The following HIBCH variants were observed in gnomAD, a reference collection of about 807,000 sequenced individuals.
HIBCH encodes 3-hydroxyisobutyryl-CoA hydrolase.
In HIBCH, 50 loss-of-function variants were observed where a neutral mutation model predicts 58.2. The ratio of observed to expected loss-of-function variants is 0.86; its 90% CI spans 0.68 to 1.09. The LOEUF is 1.09. HIBCH is among the 50% of genes least tolerant of loss of function. The pLI is 0.00. For missense variants in HIBCH, 450 were observed against 449.7 expected (o/e 1.00, Z -0.01); for synonymous variants, 151 against 146.9 (o/e 1.03, Z -0.20).
chr2:190,259,454 G>T (rs1482902628), intron 7 of HIBCH, among the ~76,000 whole-genome samples: 1 of 151,440 alleles, frequency 6.6e-6, no homozygotes, highest in East Asian at 1.9e-4. Flanking sequence ...TACTTTCAGG[G>T]CTCAAGCCAT....
chr2:190,294,425 A>C, intron 4 of HIBCH, 121 bp downstream of exon 4: 1 of 711,130 alleles, frequency 1.4e-6, no homozygotes, highest in Non-Finnish European at 2.4e-6. Flanking sequence ...AGAATGTATT[A>C]ACTTTATAAT....
chr2:190,251,311 T>C (rs1035148078), intron 8 of HIBCH, among the ~76,000 whole-genome samples: 2 of 152,188 alleles, frequency 1.3e-5, no homozygotes, highest in Non-Finnish European at 2.9e-5. Context: ...CCTTGAAAGC[T>C]GACTTTACCC....
At position 190,223,952 on chromosome 2, in the gene HIBCH, G is replaced by A. The variant is rs540835280; in HGVS notation, c.892-10877C>T. ...CACAGAATATGAGCCAAAGCAGGGC[G>A]GGGGATCGCCTCACCTGAGAAGCAA... On this transcript the variant is annotated intron_variant, in intron 11 of 13. Transcript: ENST00000359678. 8.5e-5 allele frequency among the ~76,000 whole-genome samples: 13 copies of A among 152,336 alleles called. No individual in the cohort carries two copies. The South Asian group carries it at 1.9e-3, about 22-fold the overall frequency.
chr2:190,283,708 A>G (rs1687763420), intron 6 of HIBCH, among the ~76,000 whole-genome samples: 2 of 152,216 alleles, frequency 1.3e-5, no homozygotes, highest in Non-Finnish European at 2.9e-5. Flanking sequence ...TTAAGGATGC[A>G]TGTGGTTGGG....
rs969247223 is a variant in HIBCH, at chr2:190,304,921, T to TA, written c.78+5832dup. On this transcript the variant is annotated intron_variant, in intron 2 of 13. Transcript: ENST00000359678. The surrounding 1 kb of genome is among the most constrained non-coding windows in gnomAD (Gnocchi z 4.1). ...ATTTATAAGACACAGTATGCTTTAG[T>TA]AAAAAAAGTGTTAGAATTGAAGCAC... Among the ~76,000 whole-genome samples the TA allele has an allele frequency of 1.6e-4, 25 of 152,190 alleles. No individual in the cohort carries two copies. The highest frequency in any genetic ancestry group is 6.2e-4 in the South Asian group (3 of 4,818).
At chr2:190,241,132 C>T (rs1686441587) in intron 11 of HIBCH, among the ~76,000 whole-genome samples, 1 of 152,180 alleles carries the variant, frequency 6.6e-6, no homozygotes, top group Admixed American at 6.5e-5. Context: ...TCTCTAAAAA[C>T]TTGCTTTATG....
intron 11 of HIBCH, among the ~76,000 whole-genome samples, chr2:190,224,381 A>G (rs1223808766): frequency 1.3e-5 from 2 of 152,214 alleles, no homozygotes; most frequent in African/African-American, 4.8e-5. Context: ...TGCTGTATTC[A>G]GGAGACCCAT....
chr2:190,307,979 T>C (rs1688457478), intron 2 of HIBCH, among the ~76,000 whole-genome samples: 1 of 152,242 alleles, frequency 6.6e-6, no homozygotes, highest in Non-Finnish European at 1.5e-5. Flanking sequence ...ATCAATGGCA[T>C]ACTTCCATCA....
intron 2 of HIBCH, among the ~76,000 whole-genome samples, chr2:190,310,331 T>C (rs1371549856): frequency 6.6e-6 from 1 of 152,242 alleles, no homozygotes; most frequent in Non-Finnish European, 1.5e-5. Context: ...TGTGAGTCAA[T>C]TCTCCTTAAT....
chr2:190,261,091 ACT>A, intron 7 of HIBCH, 63 bp downstream of exon 7: 1 of 1,191,832 alleles, frequency 8.4e-7, no homozygotes, highest in Non-Finnish European at 1.2e-6. Context: ...ACAACAGTAA[ACT>A]CTGAAACATA....
chr2:190,311,871 T>C (rs1169248394), intron 1 of HIBCH, among the ~76,000 whole-genome samples: 1 of 152,142 alleles, frequency 6.6e-6, no homozygotes, highest in Admixed American at 6.5e-5. Flanking sequence ...TTAAAAGTGC[T>C]TGTTGGGCTA....
Position 190,197,522 on chromosome 2 carries a change from A to C in HIBCH, c.*18-7525T>G, listed in dbSNP as rs996159009. On this transcript the variant is annotated intron_variant, in intron 1 of 1. Coordinates refer to the HIBCH transcript ENST00000399855. This position sits in a 1 kb window ranked among gnomAD's most constrained non-coding sequence, Gnocchi z 4.0. ...TTCCCAATCTTGAACTCTATCTTATAAATTCCAGCTGTTTTAGTAACCCTA... is the reference window on the plus strand; with the variant it reads ...TTCCCAATCTTGAACTCTATCTTATCAATTCCAGCTGTTTTAGTAACCCTA... Among the ~76,000 whole-genome samples, 18 of 152,168 alleles carry C rather than the reference A, an allele frequency of 1.2e-4. No individual in the cohort carries two copies. The highest frequency in any genetic ancestry group is 2.2e-4 in the Non-Finnish European group (15 of 68,038).
intron 6 of HIBCH, among the ~76,000 whole-genome samples, chr2:190,272,864 A>G (rs928792826): frequency 6.6e-6 from 1 of 152,120 alleles, no homozygotes; most frequent in Non-Finnish European, 1.5e-5. Flanking sequence ...GAAATGGGGT[A>G]TAGGAAGCTA....
At chr2:190,193,652 T>C (rs1351156547) in intron 1 of HIBCH, among the ~76,000 whole-genome samples, 1 of 152,174 alleles carries the variant, frequency 6.6e-6, no homozygotes, top group Non-Finnish European at 1.5e-5. Flanking sequence ...ATTATTCCTG[T>C]TTGCCTTTTA....
chr2:190,230,609 C>T (rs187469790), intron 11 of HIBCH, among the ~76,000 whole-genome samples: 122 of 152,284 alleles, frequency 8.0e-4, no homozygotes, highest in African/African-American at 2.7e-3. Context: ...GCAGAAGAAT[C>T]GCTTGAACCC....
intron 6 of HIBCH, among the ~76,000 whole-genome samples, chr2:190,269,638 T>A (rs1200723470): frequency 6.6e-6 from 1 of 152,126 alleles, no homozygotes; most frequent in Non-Finnish European, 1.5e-5. Flanking sequence ...TGTAAATTAG[T>A]TCAACCATTG....
At chr2:190,194,627 T>A (rs1259559457) in intron 1 of HIBCH, among the ~76,000 whole-genome samples, 1 of 152,076 alleles carries the variant, frequency 6.6e-6, no homozygotes, top group African/African-American at 2.4e-5. Context: ...ATGACAGAAA[T>A]CCATTATTAG....
chr2:190,208,998 C>A, intron 12 of HIBCH, 85 bp from the exon 13 acceptor site: 1 of 1,205,566 alleles, frequency 8.3e-7, no homozygotes. Flanking sequence ...TCACTTCAGC[C>A]TTCCACTCCC....
chr2:190,261,107 AAAG>A, intron 7 of HIBCH, 46 bp downstream of exon 7: 2 of 1,334,538 alleles, frequency 1.5e-6, no homozygotes, highest in Non-Finnish European at 1.1e-6. Flanking sequence ...AAACATATCA[AAAG>A]AAGATGATGC....
Sources: allele counts gnomAD v4.1 joint callset (sites outside exome capture counted in the v4.1 genomes callset), GRCh38; gene constraint gnomAD v4.1.1; non-coding constraint Gnocchi (gnomAD v3.1); transcripts MANE v1.5; gene names NCBI Gene and HGNC (gene_info 2026-07-23, HGNC 2026-07-21).